The following FMO4 variants were observed in gnomAD, a reference collection of about 807,000 sequenced individuals.
FMO4 encodes flavin containing dimethylaniline monoxygenase 4.
Under a neutral mutation model 43.3 loss-of-function variants are expected in FMO4, and 38 were observed. The ratio of observed to expected loss-of-function variants is 0.88; its 90% CI spans 0.68 to 1.15. The LOEUF (loss-of-function observed/expected upper bound fraction) is 1.15, where lower values mean the gene tolerates loss of function less well. Among genes scored for constraint, FMO4 ranks in the 50% most tolerant of loss-of-function variants. The probability of loss-of-function intolerance (pLI) is 0.00; values close to 1 mark genes in which losing one functional copy is unlikely to be tolerated. For missense variants in FMO4, 631 were observed against 663.3 expected (o/e 0.95, Z 0.54); for synonymous variants, 224 against 232.2 (o/e 0.96, Z 0.32).
At chr1:171,333,159 T>C (rs895334381) in intron 7 of FMO4, 2 of 337,664 alleles carry the variant, frequency 5.9e-6, no homozygotes, top group African/African-American at 2.1e-5. Context: ...TTTCCTGCTG[T>C]TACAAATATC....
chr1:171,336,942 A>G (rs1027230612), intron 8 of FMO4, among the ~76,000 whole-genome samples: 1 of 147,496 alleles, frequency 6.8e-6, no homozygotes, highest in African/African-American at 2.6e-5. Context: ...TAACCAACTA[A>G]TAGCTTTAAC....
chr1:171,330,569 AAG>A (rs1200749623), intron 5 of FMO4, among the ~76,000 whole-genome samples: 29 of 152,208 alleles, frequency 1.9e-4, no homozygotes, highest in Admixed American at 1.8e-3. Flanking sequence ...GGTGGCAGGC[AAG>A]AGAGAGAGCA....
At chr1:171,319,129 C>T (rs902851707) in intron 2 of FMO4, among the ~76,000 whole-genome samples, 4 of 152,170 alleles carry the variant, frequency 2.6e-5, no homozygotes, top group African/African-American at 9.6e-5. Flanking sequence ...AATCAGGTCA[C>T]ATGGACTTGA....
At chr1:171,333,531 T>C (rs1438196467) in intron 7 of FMO4, among the ~76,000 whole-genome samples, 1 of 152,144 alleles carries the variant, frequency 6.6e-6, no homozygotes, top group Non-Finnish European at 1.5e-5. Context: ...GCCAAAATGA[T>C]ATATTTTAAT....
chr1:171,333,043 C>T (rs1662967485), intron 7 of FMO4, 135 bp downstream of exon 7: 1 of 611,930 alleles, frequency 1.6e-6, no homozygotes, highest in Non-Finnish European at 2.8e-6. Flanking sequence ...CCCTAAAACA[C>T]TGTTCATCAG....
chr1:171,322,488 A>G (rs1662475345), intron 3 of FMO4, among the ~76,000 whole-genome samples: 1 of 152,240 alleles, frequency 6.6e-6, no homozygotes, highest in African/African-American at 2.4e-5. Context: ...TTTTAATTAT[A>G]CAATCCCACC....
At chr1:171,337,500 C>T (rs1663170617) in intron 9 of FMO4, 75 bp downstream of exon 9, 4 of 1,031,002 alleles carry the variant, frequency 3.9e-6, no homozygotes, top group Non-Finnish European at 4.5e-6. Flanking sequence ...AGTATAAAAG[C>T]CATTCCTAGA....
chr1:171,322,166 T>A (rs1452608135), intron 3 of FMO4, among the ~76,000 whole-genome samples: 3 of 151,980 alleles, frequency 2.0e-5, no homozygotes, highest in African/African-American at 7.3e-5. Context: ...GGGACATAGG[T>A]TGAGAGGATG....
chr1:171,317,037 A>G (rs2101871831), intron 2 of FMO4, among the ~76,000 whole-genome samples: 1 of 152,352 alleles, frequency 6.6e-6, no homozygotes, highest in East Asian at 1.9e-4. Context: ...ATGAAGGAAG[A>G]GGCTTAGTGA....
intron 5 of FMO4, among the ~76,000 whole-genome samples, chr1:171,328,675 G>A (rs1662772363): frequency 6.6e-6 from 1 of 151,868 alleles, no homozygotes; most frequent in Non-Finnish European, 1.5e-5. Flanking sequence ...GTTCTTTGAG[G>A]GTGGGAACTG....
chr1:171,338,088 C>G (rs1404800670), intron 9 of FMO4, among the ~76,000 whole-genome samples: 5 of 152,106 alleles, frequency 3.3e-5, no homozygotes. Context: ...CAGTTCATAG[C>G]TACTCATTCC....
chr1:171,340,251 T>A (rs1210624187), intron 9 of FMO4, among the ~76,000 whole-genome samples: 1 of 152,230 alleles, frequency 6.6e-6, no homozygotes, highest in Non-Finnish European at 1.5e-5. Flanking sequence ...TTTGTCAGCG[T>A]TCTACCAGGC....
intron 2 of FMO4, among the ~76,000 whole-genome samples, chr1:171,318,476 C>T (rs1468506617): frequency 6.6e-6 from 1 of 151,810 alleles, no homozygotes; most frequent in Non-Finnish European, 1.5e-5. Context: ...TATGGTGAGA[C>T]CCCATTTCTA....
At chr1:171,315,640 C>T (rs1391692544) in intron 1 of FMO4, among the ~76,000 whole-genome samples, 2 of 152,222 alleles carry the variant, frequency 1.3e-5, no homozygotes, top group African/African-American at 4.8e-5. Flanking sequence ...TTCCAGTTCA[C>T]TCACTACCTT....
intron 5 of FMO4, among the ~76,000 whole-genome samples, chr1:171,325,419 A>T (rs141595996): frequency 1.1e-4 from 17 of 152,382 alleles, no homozygotes; most frequent in African/African-American, 3.8e-4. Context: ...TTTTTGAAGT[A>T]TCTTCAAGGA....
chr1:171,334,358 G>A (rs1663021231), intron 7 of FMO4, 53 bp from the exon 8 acceptor site: 1 of 1,157,980 alleles, frequency 8.6e-7, no homozygotes, highest in African/African-American at 1.6e-5. Context: ...ATCATTTGCT[G>A]AAGTTTCTCA....
At chr1:171,319,261 C>T (rs757787975) in intron 2 of FMO4, among the ~76,000 whole-genome samples, 4 of 152,112 alleles carry the variant, frequency 2.6e-5, no homozygotes, top group Non-Finnish European at 4.4e-5. Context: ...CATCCTGGGC[C>T]GATCTTTCCA....
In FMO4 at chr1:171,334,726, A is replaced by C. The variant is rs1480661428; in HGVS notation, c.1143A>C (p.Thr381=). 6.3e-7 allele frequency: 1 copy of C among 1,599,536 alleles called. No homozygotes were observed. Among genetic ancestry groups the C allele is most frequent in the South Asian group, 1.1e-5 (1 of 88,182 alleles). Residue 381 remains threonine (T), a synonymous_variant, in exon 8 of 10, where the codon ACA becomes ACC. Transcript: ENST00000367749. ...IGLKGSILSG[T]ELQARWVTRV... The stretch of plus-strand genomic sequence containing the variant: ...TTAAAGGATCCATCTTATCAGGCAC[A>C]GAGCTCCAAGCACGATGGGTCACAA...
At chr1:171,322,979 C>G in intron 3 of FMO4, 25 bp from the exon 4 acceptor site, 3 of 1,588,350 alleles carry the variant, frequency 1.9e-6, no homozygotes, top group Non-Finnish European at 2.6e-6. Context: ...ATTATCCCAA[C>G]AAGCTAACTA....
Sources: allele counts gnomAD v4.1 joint callset (sites outside exome capture counted in the v4.1 genomes callset), GRCh38; gene constraint gnomAD v4.1.1; transcripts MANE v1.5; gene names NCBI Gene and HGNC (gene_info 2026-07-23, HGNC 2026-07-21).